The following HDAC9 variants were observed in gnomAD, a reference collection of about 807,000 sequenced individuals.
The protein encoded by HDAC9 is histone deacetylase 9.
In HDAC9, 41 loss-of-function variants were observed where a neutral mutation model predicts 139.4. The ratio of observed to expected loss-of-function variants is 0.29; its 90% CI spans 0.23 to 0.38. The LOEUF (loss-of-function observed/expected upper bound fraction) is 0.38. Ranked by LOEUF, HDAC9 falls within the 10% of genes least tolerant of loss-of-function variation. The probability of loss-of-function intolerance (pLI) is 1.00; values close to 1 mark genes in which losing one functional copy is unlikely to be tolerated. For missense variants in HDAC9, 1,147 were observed against 1,297.0 expected (o/e 0.88, Z 1.78); for synonymous variants, 517 against 476.2 (o/e 1.09, Z -1.12).
In HDAC9 at chr7:18,258,317, A is replaced by G. The variant is rs188936098; in HGVS notation, c.25+95968A>G. 1.3e-4 allele frequency among the ~76,000 whole-genome samples: 20 copies of G among 152,300 alleles called. No homozygotes were observed. The East Asian group carries it at 3.5e-3, about 26-fold the overall frequency. On this transcript the variant is annotated intron_variant, in intron 2 of 12. Transcript: ENST00000417496. Reference sequence around the variant, plus strand: ...TAAAGATGAACAAGACAGACATGGTAACTGTTTCTTTTATTTATTTTTTAT... The same window carrying G: ...TAAAGATGAACAAGACAGACATGGTGACTGTTTCTTTTATTTATTTTTTAT...
intron 1 of HDAC9, among the ~76,000 whole-genome samples, chr7:18,154,361 G>C (rs773179615): frequency 1.5e-4 from 23 of 152,192 alleles, no homozygotes; most frequent in Non-Finnish European, 3.1e-4. Context: ...TGTAACCCTA[G>C]TGGAGTGAGA....
At chr7:18,440,649 C>T (rs1427436223) in intron 1 of HDAC9, among the ~76,000 whole-genome samples, 1 of 152,158 alleles carries the variant, frequency 6.6e-6, no homozygotes. Context: ...TATAAACCTA[C>T]TCTTGTTTTC....
intron 1 of HDAC9, among the ~76,000 whole-genome samples, chr7:18,117,636 A>G (rs1270676282): frequency 6.6e-6 from 1 of 152,194 alleles, no homozygotes; most frequent in East Asian, 1.9e-4. Flanking sequence ...CCACTGAAGA[A>G]TGCTAAGGAT....
chr7:18,122,062 A>G (rs1784396331), intron 1 of HDAC9, among the ~76,000 whole-genome samples: 1 of 152,244 alleles, frequency 6.6e-6, no homozygotes, highest in African/African-American at 2.4e-5. Context: ...GATCCATGGT[A>G]TCAGCAGAAT....
intron 21 of HDAC9, among the ~76,000 whole-genome samples, chr7:18,858,567 G>A (rs948520037): frequency 6.6e-6 from 1 of 152,118 alleles, no homozygotes; most frequent in African/African-American, 2.4e-5. Flanking sequence ...TTTGGGTGGG[G>A]ACACCAAAGT....
chr7:18,823,840 G>T (rs183804664), intron 17 of HDAC9, among the ~76,000 whole-genome samples: 1 of 152,024 alleles, frequency 6.6e-6, no homozygotes, highest in East Asian at 1.9e-4. Flanking sequence ...TTAGCCAGGT[G>T]TGGTGGTGTG....
At chr7:18,616,030 T>C (rs1186297362) in intron 6 of HDAC9, among the ~76,000 whole-genome samples, 1 of 152,140 alleles carries the variant, frequency 6.6e-6, no homozygotes, top group Non-Finnish European at 1.5e-5. Flanking sequence ...GCCTGCAAGC[T>C]CTAGCTGTGG....
intron 7 of HDAC9, 147 bp downstream of exon 7, chr7:18,629,628 T>C: frequency 1.3e-6 from 1 of 770,910 alleles, no homozygotes; most frequent in Non-Finnish European, 1.9e-6. Flanking sequence ...TCACAAGTAG[T>C]TCAATAAACC....
chr7:18,445,396 A>G (rs2128097490), intron 1 of HDAC9, among the ~76,000 whole-genome samples: 1 of 152,316 alleles, frequency 6.6e-6, no homozygotes, highest in African/African-American at 2.4e-5. Context: ...GATAGTGTTA[A>G]TCAACTTGAC....
intron 16 of HDAC9, among the ~76,000 whole-genome samples, chr7:18,786,039 A>C (rs1791685782): frequency 6.6e-6 from 1 of 152,162 alleles, no homozygotes; most frequent in Non-Finnish European, 1.5e-5. Context: ...AGTATATAAT[A>C]AAACTGAAAA....
intron 1 of HDAC9, among the ~76,000 whole-genome samples, chr7:18,393,881 T>C (rs1786776156): frequency 6.6e-6 from 1 of 152,204 alleles, no homozygotes. Flanking sequence ...CAATGGGCCT[T>C]GTGGCAAGTG....
At chr7:18,986,939 G>T (rs990973272) in intron 25 of HDAC9, among the ~76,000 whole-genome samples, 35 of 152,296 alleles carry the variant, frequency 2.3e-4, no homozygotes, top group African/African-American at 7.9e-4. Context: ...CTTTGCTGAA[G>T]TTGCTTATCA....
At chr7:18,926,042 A>C (rs986544478) in intron 22 of HDAC9, among the ~76,000 whole-genome samples, 1 of 152,120 alleles carries the variant, frequency 6.6e-6, no homozygotes, top group Non-Finnish European at 1.5e-5. Flanking sequence ...TTAAATGAAA[A>C]GCTTTCATTA....
chr7:18,413,784 A>T (rs1788793157), intron 1 of HDAC9, among the ~76,000 whole-genome samples: 1 of 152,144 alleles, frequency 6.6e-6, no homozygotes, highest in Non-Finnish European at 1.5e-5. Context: ...ACATCATTGC[A>T]AGACTGAGGC....
chr7:18,528,057 G>A (rs778053727), intron 2 of HDAC9, among the ~76,000 whole-genome samples: 39 of 152,126 alleles, frequency 2.6e-4, no homozygotes, highest in Non-Finnish European at 4.6e-4. Context: ...TTGGGAGGGC[G>A]AGGCAGTAGG....
At chr7:18,274,750 A>T (rs1796608467) in intron 2 of HDAC9, among the ~76,000 whole-genome samples, 1 of 152,244 alleles carries the variant, frequency 6.6e-6, no homozygotes, top group African/African-American at 2.4e-5. Flanking sequence ...GTTTAGGAAA[A>T]ATAAGTTGCA....
At chr7:18,861,025 G>A (rs1798063947) in intron 21 of HDAC9, among the ~76,000 whole-genome samples, 1 of 152,130 alleles carries the variant, frequency 6.6e-6, no homozygotes, top group South Asian at 2.1e-4. Context: ...GACTGATTTA[G>A]TAATGCTTAT....
intron 13 of HDAC9, among the ~76,000 whole-genome samples, chr7:18,740,443 G>A (rs915286106): frequency 6.6e-6 from 1 of 152,186 alleles, no homozygotes. Context: ...TCTTGTAATT[G>A]TTTTGGGGAA....
chr7:18,610,916 G>A (rs1223440227), intron 6 of HDAC9, among the ~76,000 whole-genome samples: 1 of 152,134 alleles, frequency 6.6e-6, no homozygotes, highest in Non-Finnish European at 1.5e-5. Context: ...CAGGATTTGT[G>A]TTTTATTTTG....
Sources: allele counts gnomAD v4.1 joint callset (sites outside exome capture counted in the v4.1 genomes callset), GRCh38; gene constraint gnomAD v4.1.1; transcripts MANE v1.5; gene names NCBI Gene and HGNC (gene_info 2026-07-23, HGNC 2026-07-21).